The following UGT2B17 variants were observed in gnomAD, a reference collection of about 807,000 sequenced individuals.
UGT2B17 encodes UDP glucuronosyltransferase family 2 member B17.
In UGT2B17, 21 loss-of-function variants were observed where a neutral mutation model predicts 48.2. The ratio of observed to expected loss-of-function variants is 0.44; its 90% confidence interval spans 0.31 to 0.63. The LOEUF (loss-of-function observed/expected upper bound fraction) is 0.63. UGT2B17 is among the 20% of genes least tolerant of loss of function. The pLI is 0.08. For missense variants in UGT2B17, 402 were observed against 696.1 expected, an observed-to-expected ratio of 0.58 and a Z score of 4.75; for synonymous variants, 146 against 238.4, an observed-to-expected ratio of 0.61 and a Z score of 3.57.
chr4:68,549,039 C>T (rs1274547449), intron 6 of UGT2B17, among the ~76,000 whole-genome samples: 1 of 124,614 alleles, frequency 8.0e-6, no homozygotes, highest in Non-Finnish European at 1.7e-5. Flanking sequence ...TTTAAATCCA[C>T]CATTTTATTC....
At position 68,549,211 on chromosome 4, in the gene UGT2B17, A is replaced by G. The variant is rs1363163818; in HGVS notation, c.1313+1466T>C. Among the ~76,000 whole-genome samples, 23 of 124,214 alleles carry G rather than the reference A, an allele frequency of 1.9e-4. 6 individuals carry two copies. 81.5% of individuals were successfully genotyped at this position (124,214 alleles called of 152,430 possible). On this transcript the variant is annotated intron_variant, in intron 6 of 6. Coordinates refer to ENST00000317746, the MANE Select transcript of UGT2B17 (RefSeq NM_001077.4). ...CATCATAATAATATTGGTAGGATTA[A>G]TAGACTCTGAATTGATGGTAGCTGG...
chr4:68,539,336 CTGTTTT>C (rs1368259721), intron 6 of UGT2B17, among the ~76,000 whole-genome samples: 1 of 125,122 alleles, frequency 8.0e-6, no homozygotes, highest in Non-Finnish European at 1.7e-5. Context: ...TTATTCATTT[CTGTTTT>C]TGTTTAGCAG....
chr4:68,575,410 C>T (rs1372979014), intron 1 of UGT2B17, among the ~76,000 whole-genome samples: 1 of 124,498 alleles, frequency 8.0e-6, no homozygotes. Context: ...GGCTAACCTA[C>T]CTCTAATGCT....
Position 68,575,103 on chromosome 4 carries a change from C to A in UGT2B17, c.-65+848G>T, listed in dbSNP as rs192641828. On this transcript the variant is annotated intron_variant, in intron 1 of 6. Coordinates refer to ENST00000317746, the MANE Select transcript of UGT2B17 (RefSeq NM_001077.4). ...TAGCAAACTTCGCTTTTGTTGAAAA[C>A]CTTGTAAGTTTGAAATTTCAATTAT... is the stretch of plus-strand genomic sequence containing the variant. 3.4e-3 allele frequency among the ~76,000 whole-genome samples: 424 copies of A among 123,704 alleles called. 80 individuals carry two copies. The highest frequency in any genetic ancestry group is 0.011 in the African/African-American group (391 of 36,078). 81.2% of individuals were successfully genotyped at this position (123,704 alleles called of 152,430 possible).
At chr4:68,565,813 G>T in intron 2 of UGT2B17, 93 bp from the exon 3 acceptor site, 1 of 1,097,268 alleles carries the variant, frequency 9.1e-7, no homozygotes, top group South Asian at 3.3e-5. Context: ...GAAAGGACTT[G>T]GAATAACATA....
Position 68,560,117 on chromosome 4 carries a change from C to A in UGT2B17, c.1005+420G>T, listed in dbSNP as rs113397814. 6.2e-5 allele frequency among the ~76,000 whole-genome samples: 7 copies of A among 112,868 alleles called. 1 individual carries two copies. The highest frequency in any genetic ancestry group is 1.3e-4 in the Non-Finnish European group (7 of 52,306). The allele number at this position is 112,868 out of a possible 152,430, so 74.0% of individuals were successfully genotyped here. A position where few individuals can be genotyped will look rare whatever the true frequency, so the allele number is the denominator to read the frequency against. On this transcript the variant is annotated intron_variant, in intron 4 of 6. Coordinates refer to ENST00000317746, the MANE Select transcript of UGT2B17 (RefSeq NM_001077.4). ...GATGCATTTCAAAGTTTTTTCAATACCTGCTTATTGTTATTGTGATAGTAC... is the reference window on the plus strand; with the variant it reads ...GATGCATTTCAAAGTTTTTTCAATAACTGCTTATTGTTATTGTGATAGTAC...
rs1271909007 is a variant in UGT2B17, at chr4:68,572,901, T to C, written c.-65+3050A>G. 1.6e-5 allele frequency among the ~76,000 whole-genome samples: 2 copies of C among 126,184 alleles called. 1 individual carries two copies. Among genetic ancestry groups the C allele is most frequent in the Admixed American group, 1.6e-4 (2 of 12,350 alleles). The allele number at this position is 126,184 out of a possible 152,430, so 82.8% of individuals were successfully genotyped here. On this transcript the variant is annotated intron_variant, in intron 1 of 6. Transcript: ENST00000317746. ...ATTTTGCAGGGATTGGTGAAGCTGC[T>C]CCCATCCACGTACAGCTCCCAGTCT...
Position 68,550,911 on chromosome 4 carries a change from A to G in UGT2B17, c.1094-15T>C. 2.2e-6 allele frequency: 3 copies of G among 1,347,322 alleles called. 1 individual carries two copies. The highest frequency in any genetic ancestry group is 2.9e-6 in the Non-Finnish European group (3 of 1,031,700). 83.5% of individuals were successfully genotyped at this position (1,347,322 alleles called of 1,614,324 possible). A position where few individuals can be genotyped will look rare whatever the true frequency, so the allele number is the denominator to read the frequency against. On this transcript the variant is annotated splice_polypyrimidine_tract_variant and intron_variant, in intron 5 of 6. Transcript: ENST00000317746. Reference sequence around the variant, plus strand: ...TTTGGGATGACCTAAAAGTGGATGCATTTTAACAAAGTTATTAATTATAAG... The same window carrying G: ...TTTGGGATGACCTAAAAGTGGATGCGTTTTAACAAAGTTATTAATTATAAG...
rs572430815 is a variant in UGT2B17, at chr4:68,570,169, A to C, written c.-64-1621T>G. 3.2e-5 allele frequency among the ~76,000 whole-genome samples: 4 copies of C among 126,938 alleles called. 1 individual carries two copies. Among genetic ancestry groups the C allele is most frequent in the Non-Finnish European group, 6.7e-5 (4 of 59,744 alleles). 83.3% of individuals were successfully genotyped at this position (126,938 alleles called of 152,430 possible). ...GGAGCATCGGCAAGCTACTGCCTTA[A>C]AATCCAAGCTCCTCAAGTGCGCAAT... On this transcript the variant is annotated intron_variant, in intron 1 of 6. Coordinates refer to ENST00000317746, the MANE Select transcript of UGT2B17 (RefSeq NM_001077.4).
At chr4:68,568,733 G>A (rs115733553) in intron 1 of UGT2B17, among the ~76,000 whole-genome samples, 185 bp from the exon 2 acceptor site, 4,972 of 126,482 alleles carry the variant, frequency 0.039, 1,051 homozygotes, top group African/African-American at 0.13. Context: ...AAGAACAGTG[G>A]CAGGTGAGAG....
chr4:68,537,614 T>G lies in UGT2B17; in HGVS notation c.*11A>C, dbSNP rs1352563757. On this transcript the variant is annotated 3_prime_UTR_variant, in exon 7 of 7. Coordinates refer to ENST00000317746, the MANE Select transcript of UGT2B17 (RefSeq NM_001077.4). ...ATCTTTTGGTCATTCCACTTCAGGCTTTTGATATAACTAATCCCTTTTCTT... is the reference window on the plus strand; with the variant it reads ...ATCTTTTGGTCATTCCACTTCAGGCGTTTGATATAACTAATCCCTTTTCTT... The G allele has an allele frequency of 7.4e-7, 1 of 1,342,728 alleles. No individual in the cohort carries two copies. The highest frequency in any genetic ancestry group is 8.4e-5 in the East Asian group (1 of 11,836). 83.2% of individuals were successfully genotyped at this position (1,342,728 alleles called of 1,614,324 possible).
intron 6 of UGT2B17, among the ~76,000 whole-genome samples, chr4:68,539,161 T>A (rs1178594957): frequency 7.9e-6 from 1 of 126,418 alleles, no homozygotes; most frequent in African/African-American, 2.7e-5. Context: ...AATTTTAAGA[T>A]TATCTTAAAC....
intron 1 of UGT2B17, among the ~76,000 whole-genome samples, chr4:68,572,878 T>C (rs1164576358): frequency 8.0e-6 from 1 of 125,732 alleles, no homozygotes; most frequent in Non-Finnish European, 1.7e-5. Flanking sequence ...TCAGAGTCAT[T>C]TTGCAGGGAT....
In UGT2B17 at chr4:68,548,682, G is replaced by T. The variant is rs1454456961; in HGVS notation, c.1313+1995C>A. On this transcript the variant is annotated intron_variant, in intron 6 of 6. Transcript: ENST00000317746. Reference sequence around the variant, plus strand: ...TTTGTGTCCTCTCTTAATTCCTTCAGCAGGGTTTTCTATTTCTCCTTGAAG... The same window carrying T: ...TTTGTGTCCTCTCTTAATTCCTTCATCAGGGTTTTCTATTTCTCCTTGAAG... Among the ~76,000 whole-genome samples the T allele has an allele frequency of 6.4e-5, 8 of 125,228 alleles. 2 individuals carry two copies. Among genetic ancestry groups the T allele is most frequent in the Non-Finnish European group, 1.0e-4 (6 of 59,364 alleles). 82.2% of individuals were successfully genotyped at this position (125,228 alleles called of 152,430 possible). A position where few individuals can be genotyped will look rare whatever the true frequency, so the allele number is the denominator to read the frequency against.
intron 6 of UGT2B17, among the ~76,000 whole-genome samples, chr4:68,543,250 C>T (rs1160276441): frequency 8.0e-6 from 1 of 125,256 alleles, no homozygotes; most frequent in African/African-American, 2.7e-5. Context: ...TCCAGAGGAA[C>T]AATCAGACAG....
At chr4:68,545,933 T>G (rs1454318687) in intron 6 of UGT2B17, among the ~76,000 whole-genome samples, 1 of 125,692 alleles carries the variant, frequency 8.0e-6, no homozygotes, top group Admixed American at 8.2e-5. Context: ...CAATAATTAA[T>G]AGCTTACCAA....
chr4:68,571,475 C>G (rs1378241095), intron 1 of UGT2B17, among the ~76,000 whole-genome samples: 2 of 126,454 alleles, frequency 1.6e-5, no homozygotes, highest in African/African-American at 5.4e-5. Context: ...GAATGGATTT[C>G]TTTCTGTGTA....
chr4:68,557,089 C>T (rs1731016375), intron 4 of UGT2B17, among the ~76,000 whole-genome samples: 1 of 124,528 alleles, frequency 8.0e-6, no homozygotes, highest in African/African-American at 2.7e-5. Context: ...ATGTTATTGG[C>T]ATGTGTTCCA....
chr4:68,554,967 A>T lies in UGT2B17; in HGVS notation c.1006-3056T>A, dbSNP rs1730976403. On this transcript the variant is annotated intron_variant, in intron 4 of 6. Coordinates refer to ENST00000317746, the MANE Select transcript of UGT2B17 (RefSeq NM_001077.4). ...TTGTACACAATGTTTTATTACTGAAAATATATAAAAGAGCTCTAATTAATT... is the reference window on the plus strand; with the variant it reads ...TTGTACACAATGTTTTATTACTGAATATATATAAAAGAGCTCTAATTAATT... Among the ~76,000 whole-genome samples, 3 of 125,744 alleles carry T rather than the reference A, an allele frequency of 2.4e-5. 1 individual carries two copies. The highest frequency in any genetic ancestry group is 8.1e-5 in the African/African-American group (3 of 37,000). 82.5% of individuals were successfully genotyped at this position (125,744 alleles called of 152,430 possible).
Sources: allele counts gnomAD v4.1 joint callset (sites outside exome capture counted in the v4.1 genomes callset), GRCh38; gene constraint gnomAD v4.1.1; transcripts MANE v1.5; gene names NCBI Gene and HGNC (gene_info 2026-07-23, HGNC 2026-07-21).